Variants in TUBGCP5 observed in about 807,000 individuals in gnomAD.
TUBGCP5 encodes the protein tubulin gamma complex component 5, also known as gamma-tubulin complex component 5.
In TUBGCP5, 98 loss-of-function variants were observed where a neutral mutation model predicts 134.7. That is an observed-to-expected ratio of 0.73 (90% CI 0.62 to 0.86). The LOEUF is 0.86. TUBGCP5 is among the 40% of genes least tolerant of loss of function. The pLI is 0.00. For missense variants in TUBGCP5, 1,150 were observed against 1,244.8 expected (o/e 0.92, Z 1.15); for synonymous variants, 456 against 431.4 (o/e 1.06, Z -0.71).
chr15:23,017,354 T>C lies in TUBGCP5; in HGVS notation c.1756+419A>G, dbSNP rs577259972. ...CCCAACATAAAGAAGTAGTAAATGT[T>C]TGAGATGATGGAAGTGCTAATTATC... is the stretch of plus-strand genomic sequence containing the variant. On this transcript the variant is annotated intron_variant, in intron 13 of 22. Transcript: ENST00000615383. Among the ~76,000 whole-genome samples the C allele has an allele frequency of 5.3e-5, 8 of 152,158 alleles. No individual in the cohort carries two copies. In the South Asian group the frequency reaches 1.0e-3, roughly 20 times the overall value.
Position 23,005,497 on chromosome 15 carries a change from T to C in TUBGCP5, c.2647A>G (p.Met883Val), listed in dbSNP as rs1249392482. Residue 883 changes from methionine (M) to valine (V), a missense_variant, in exon 19 of 23, where the codon ATG (methionine) becomes GTG (valine). Around this residue, in one of 2 missense-constraint regions of TUBGCP5, gnomAD observed 697 missense variants for 850.1 expected, o/e 0.82. Transcript: ENST00000615383. The part of the protein sequence containing the change: ...KEPVRQQIHR[M>V]FLLRVKLMHF... ...ATGAGCTTCACTCTTAAGAGGAACATGCGATGAATCTGCTGTCTTACTGGT... is the reference window on the plus strand; with the variant it reads ...ATGAGCTTCACTCTTAAGAGGAACACGCGATGAATCTGCTGTCTTACTGGT... 1 of 1,614,214 alleles carries C rather than the reference T, an allele frequency of 6.2e-7. No individual in the cohort carries two copies. Among genetic ancestry groups the C allele is most frequent in the Non-Finnish European group, 8.5e-7 (1 of 1,180,040 alleles).
At chr15:23,017,254 G>T (rs1005155867) in intron 13 of TUBGCP5, among the ~76,000 whole-genome samples, 1 of 151,960 alleles carries the variant, frequency 6.6e-6, no homozygotes, top group East Asian at 1.9e-4. Context: ...CTAGTGCTCT[G>T]TATCACTATG....
intron 3 of TUBGCP5, among the ~76,000 whole-genome samples, chr15:23,034,661 C>T (rs1228193620): frequency 1.3e-5 from 2 of 151,926 alleles, no homozygotes; most frequent in African/African-American, 2.4e-5. Context: ...GAGTTCGACA[C>T]TACCCTGGCC....
intron 21 of TUBGCP5, among the ~76,000 whole-genome samples, chr15:23,002,478 G>A: frequency 6.6e-6 from 1 of 152,344 alleles, no homozygotes; most frequent in East Asian, 1.9e-4. Flanking sequence ...GGCAGTGCTA[G>A]AGGGAGCTGC....
At chr15:23,034,934 C>T (rs1282743931) in intron 3 of TUBGCP5, among the ~76,000 whole-genome samples, 1 of 151,994 alleles carries the variant, frequency 6.6e-6, no homozygotes, top group Non-Finnish European at 1.5e-5. Flanking sequence ...ATTAATAAAT[C>T]TCTAGACATA....
chr15:23,028,421 G>A (rs527413703), intron 6 of TUBGCP5, among the ~76,000 whole-genome samples: 31 of 141,904 alleles, frequency 2.2e-4, no homozygotes, highest in Admixed American at 1.8e-3. Flanking sequence ...AATTGAATCC[G>A]ATCTAAAAAT....
At chr15:23,018,459 T>A (rs2065469638) in intron 12 of TUBGCP5, among the ~76,000 whole-genome samples, 1 of 152,142 alleles carries the variant, frequency 6.6e-6, no homozygotes, top group South Asian at 2.1e-4. Flanking sequence ...CAGAGTCCTA[T>A]TTTTCACAAA....
chr15:23,008,440 G>A, intron 16 of TUBGCP5: 1 of 439,090 alleles, frequency 2.3e-6, no homozygotes, highest in African/African-American at 2.1e-5. Context: ...TGTATTTTTA[G>A]TAGAGACAGA....
chr15:23,005,493 A>G lies in TUBGCP5; in HGVS notation c.2651T>C (p.Phe884Ser). Reference sequence around the variant, plus strand: ...ATGCATGAGCTTCACTCTTAAGAGGAACATGCGATGAATCTGCTGTCTTAC... The same window carrying G: ...ATGCATGAGCTTCACTCTTAAGAGGGACATGCGATGAATCTGCTGTCTTAC... ...EPVRQQIHRM[F>S]LLRVKLMHFV... The change falls in exon 19 of 23, where the codon TTC becomes TCC. Residue 884 changes from phenylalanine to serine, a missense_variant. Coordinates refer to ENST00000615383, the MANE Select transcript of TUBGCP5 (RefSeq NM_052903.6). 6.2e-7 allele frequency: 1 copy of G among 1,614,230 alleles called. No homozygotes were observed.
chr15:23,039,289 G>C, intron 1 of TUBGCP5, 109 bp downstream of exon 1: 1 of 1,180,498 alleles, frequency 8.5e-7, no homozygotes, highest in Non-Finnish European at 1.1e-6. Flanking sequence ...GGCCGCGCCC[G>C]CCTCCGCCCC....
chr15:22,990,548 A>C (rs1357625761), intron 23 of TUBGCP5, among the ~76,000 whole-genome samples: 1 of 152,196 alleles, frequency 6.6e-6, no homozygotes, highest in African/African-American at 2.4e-5. Flanking sequence ...CGAGCAGGAA[A>C]CACAGCATGC....
rs751378074 is a variant in TUBGCP5, at chr15:23,000,556, A to G, written c.3028+13T>C. The G allele has an allele frequency of 1.9e-6, 3 of 1,609,962 alleles. No homozygotes were observed. The highest frequency in any genetic ancestry group is 1.7e-5 in the Admixed American group (1 of 59,390). On this transcript the variant is annotated intron_variant, in intron 22 of 22. Transcript: ENST00000615383. Reference sequence around the variant, plus strand: ...AATACAGAGGTAGAAATATTTTAACATGATATACTCACAATGGGGAAAGGA... The same window carrying G: ...AATACAGAGGTAGAAATATTTTAACGTGATATACTCACAATGGGGAAAGGA...
chr15:23,015,229 G>C (rs2065243990), intron 13 of TUBGCP5, among the ~76,000 whole-genome samples: 1 of 151,966 alleles, frequency 6.6e-6, no homozygotes, highest in South Asian at 2.1e-4. Flanking sequence ...GGGATTATAG[G>C]CATGCGCCAC....
chr15:23,024,549 G>A (rs1041459854), intron 9 of TUBGCP5, among the ~76,000 whole-genome samples, 188 bp downstream of exon 9: 4 of 152,044 alleles, frequency 2.6e-5, no homozygotes, highest in Middle Eastern at 3.4e-3. Flanking sequence ...AATCCTCTAC[G>A]TACTATAAAG....
chr15:22,985,553 G>A (rs1004990244), intron 23 of TUBGCP5, among the ~76,000 whole-genome samples: 3 of 151,996 alleles, frequency 2.0e-5, no homozygotes, highest in Admixed American at 6.6e-5. Context: ...ATTTATAATC[G>A]CAAAAAACTA....
At chr15:23,031,817 A>T in intron 5 of TUBGCP5, 133 bp downstream of exon 5, 1 of 552,384 alleles carries the variant, frequency 1.8e-6, no homozygotes, top group East Asian at 3.0e-5. Flanking sequence ...AGTCTTCCAT[A>T]ATAAATGACT....
rs144167480 is a variant in TUBGCP5, at chr15:23,020,019, C to T, written c.1372-685G>A. The stretch of plus-strand genomic sequence containing the variant: ...ATTGGCTGGGCATGGTGGCTCACGC[C>T]TGTAACCCCAGCACTTTGGGAGGCT... On this transcript the variant is annotated intron_variant, in intron 11 of 22. Coordinates refer to ENST00000615383, the MANE Select transcript of TUBGCP5 (RefSeq NM_052903.6). Among the ~76,000 whole-genome samples, 1,487 of 152,172 alleles carry T rather than the reference C, an allele frequency of 9.8e-3. 30 individuals are homozygous for T. Among genetic ancestry groups the T allele is most frequent in the African/African-American group, 0.034 (1,405 of 41,498 alleles).
chr15:23,019,176 G>A, intron 12 of TUBGCP5, 43 bp downstream of exon 12: 1 of 1,410,154 alleles, frequency 7.1e-7, no homozygotes, highest in African/African-American at 1.4e-5. Flanking sequence ...GAGGAAACTG[G>A]TGATGCCAGC....
At chr15:22,996,240 A>T (rs1362318597), downstream of TUBGCP5, among the ~76,000 whole-genome samples, 1 of 152,142 alleles carries the variant, frequency 6.6e-6, no homozygotes, top group Non-Finnish European at 1.5e-5. Context: ...TAAATCCTTG[A>T]AAATTATTTG....
Sources: gnomAD v4.1 joint callset for allele counts (sites outside exome capture counted in the v4.1 genomes callset) on GRCh38, gnomAD v4.1.1 for gene constraint, gnomAD v4.1.1 regional missense constraint, MANE v1.5 for transcripts, NCBI Gene and HGNC (gene_info 2026-07-23, HGNC 2026-07-21) for gene names.